Variants in ARHGAP23 observed in about 807,000 individuals in gnomAD.
ARHGAP23 encodes rho GTPase-activating protein 23.
Under a neutral mutation model 136.3 loss-of-function variants are expected in ARHGAP23, and 34 were observed. The observed-to-expected ratio is 0.25, with a 90% CI of 0.19 to 0.33. ARHGAP23 has a LOEUF of 0.33. Ranked by LOEUF, ARHGAP23 falls within the 10% of genes least tolerant of loss-of-function variation. The pLI is 1.00. For synonymous variants in ARHGAP23, 832 were observed against 920.5 expected (o/e 0.90, Z 1.74); for missense variants, 1,808 against 2,139.0 (o/e 0.85, Z 3.05).
At chr17:38,448,083 C>G (rs115382215) in intron 1 of ARHGAP23, among the ~76,000 whole-genome samples, 1 of 152,180 alleles carries the variant, frequency 6.6e-6, no homozygotes, top group Non-Finnish European at 1.5e-5. Context: ...CCCACCCCTT[C>G]CCTACTCCCA....
intron 16 of ARHGAP23, among the ~76,000 whole-genome samples, chr17:38,483,051 G>T (rs1238014432): frequency 6.6e-6 from 1 of 151,950 alleles, no homozygotes; most frequent in Non-Finnish European, 1.5e-5. Flanking sequence ...CGGAAAGTGT[G>T]CCAGGAGTCA....
At chr17:38,508,346 C>G (rs936143599) in intron 23 of ARHGAP23, among the ~76,000 whole-genome samples, 1 of 152,076 alleles carries the variant, frequency 6.6e-6, no homozygotes, top group Non-Finnish European at 1.5e-5. Context: ...CAGTGTAGGT[C>G]ACATCAAAGG....
At chr17:38,472,076 C>T in intron 11 of ARHGAP23, 70 bp downstream of exon 11, 1 of 1,347,066 alleles carries the variant, frequency 7.4e-7, no homozygotes, top group Non-Finnish European at 1.0e-6. Context: ...TAGGCCTACC[C>T]TGACAGCCTC....
intron 22 of ARHGAP23, among the ~76,000 whole-genome samples, chr17:38,499,668 C>T (rs2040477897): frequency 6.6e-6 from 1 of 152,026 alleles, no homozygotes; most frequent in South Asian, 2.1e-4. Context: ...TCACCCGCCG[C>T]CCCCCGCGCC....
chr17:38,462,690 G>A (rs2039490255), intron 3 of ARHGAP23, among the ~76,000 whole-genome samples, 156 bp from the exon 4 acceptor site: 1 of 152,162 alleles, frequency 6.6e-6, no homozygotes. Flanking sequence ...GTGCCTCCAT[G>A]GACCTGTCCA....
intron 17 of ARHGAP23, among the ~76,000 whole-genome samples, chr17:38,487,818 C>T (rs1486905010): frequency 4.6e-5 from 7 of 152,014 alleles, no homozygotes; most frequent in East Asian, 1.9e-4. Flanking sequence ...GAGCCAAGAT[C>T]GCACCACTGC....
At chr17:38,489,907 G>A (rs1324749665) in intron 17 of ARHGAP23, 195 bp from the exon 18 acceptor site, 1 of 608,296 alleles carries the variant, frequency 1.6e-6, no homozygotes, top group Non-Finnish European at 3.0e-6. Context: ...GCACACCCGA[G>A]TGTAGCTGTG....
chr17:38,473,491 C>A (rs2144680690), intron 11 of ARHGAP23, among the ~76,000 whole-genome samples: 1 of 152,326 alleles, frequency 6.6e-6, no homozygotes, highest in Admixed American at 6.5e-5. Flanking sequence ...CGAGGCGGGA[C>A]TGGCGCTCCT....
At position 38,491,512 on chromosome 17, in the gene ARHGAP23, G is replaced by A. The variant is rs192256077; in HGVS notation, c.3256G>A (p.Val1086Met). The A allele has an allele frequency of 1.8e-4, 286 of 1,549,568 alleles. No homozygotes were observed. Among genetic ancestry groups the A allele is most frequent in the Non-Finnish European group, 2.3e-4 (268 of 1,146,822 alleles). The part of the protein sequence containing the change: ...VTHMPDRYKI[V>M]ETLIQHSDWF... ...CCACATGCCTGACCGCTACAAGATC[G>A]TGGAGACACTGATCCAGCACGTAAG... Residue 1086 changes from valine (V) to methionine (M), a missense_variant, in exon 20 of 24, where the codon GTG (valine) becomes ATG (methionine). Val to Met is a conservative substitution (Grantham distance 21). Around this residue, in one of 7 missense-constraint regions of ARHGAP23, gnomAD observed 22 missense variants for 67.5 expected, o/e 0.33. Coordinates refer to ENST00000622683, the MANE Select transcript of ARHGAP23 (RefSeq NM_001199417.2).
upstream of ARHGAP23, among the ~76,000 whole-genome samples, chr17:38,427,333 AT>A (rs1424601249): frequency 1.3e-5 from 2 of 152,104 alleles, no homozygotes; most frequent in Non-Finnish European, 2.9e-5. Context: ...GCGGTGTGGC[AT>A]GGGCCTGTAG....
chr17:38,463,573 G>C (rs757381033), intron 6 of ARHGAP23, among the ~76,000 whole-genome samples, 191 bp downstream of exon 6: 1 of 152,166 alleles, frequency 6.6e-6, no homozygotes, highest in Non-Finnish European at 1.5e-5. Context: ...GGGAGCGGGA[G>C]ACCTGGCCTT....
rs1190940673 is a variant in ARHGAP23 at position 38,469,506 on chromosome 17, A to T, written c.1805-18A>T. On this transcript the variant is annotated intron_variant, in intron 8 of 23. Transcript: ENST00000622683. ...GCTGCCCCGCTGACCCTGAGGCCCG[A>T]TGTGGGCGGCTTTGCAGGCAGCATC... The T allele has an allele frequency of 6.5e-7, 1 of 1,545,944 alleles. No individual in the cohort carries two copies. The highest frequency in any genetic ancestry group is 2.0e-5 in the Admixed American group (1 of 50,824).
upstream of ARHGAP23, chr17:38,428,437 G>GGGTCCCTA (rs2038607261): frequency 1.6e-6 from 2 of 1,253,318 alleles, no homozygotes; most frequent in Non-Finnish European, 2.1e-6. Flanking sequence ...CCGGGTCCCT[G>GGGTCCCTA]CCGGCGCCCC....
intron 1 of ARHGAP23, among the ~76,000 whole-genome samples, chr17:38,431,589 G>A (rs2038687099): frequency 6.6e-6 from 1 of 152,222 alleles, no homozygotes; most frequent in African/African-American, 2.4e-5. Flanking sequence ...GTACCAATCT[G>A]TGCCAGGTGG....
At position 38,458,046 on chromosome 17, in the gene ARHGAP23, A is replaced by G; in HGVS notation, c.64-56A>G. On this transcript the variant is annotated intron_variant, in intron 1 of 23. Coordinates refer to ENST00000622683, the MANE Select transcript of ARHGAP23 (RefSeq NM_001199417.2). ...CTGTGGGCTGCAGGAGGTGGTGCAA[A>G]CAGCCAGAAGTGTCAGCCACACGGG... 3 of 1,529,384 alleles carry G rather than the reference A, an allele frequency of 2.0e-6. No individual in the cohort carries two copies. In the South Asian group the frequency reaches 3.6e-5, roughly 18 times the overall value. The allele number at this position is 1,529,384 out of a possible 1,614,324, so 94.7% of individuals were successfully genotyped here. A position where few individuals can be genotyped will look rare whatever the true frequency, so the allele number is the denominator to read the frequency against.
chr17:38,473,062 G>A (rs1163073768), intron 11 of ARHGAP23, among the ~76,000 whole-genome samples: 3 of 151,394 alleles, frequency 2.0e-5, no homozygotes, highest in Non-Finnish European at 4.4e-5. Context: ...TCAGCCTCCT[G>A]GGTAGCTGGG....
chr17:38,481,962 G>A (rs896607754), intron 14 of ARHGAP23, 60 bp from the exon 15 acceptor site: 89 of 1,447,304 alleles, frequency 6.1e-5, no homozygotes, highest in Non-Finnish European at 7.9e-5. Context: ...ATGTGGCAGT[G>A]AATGTGTGTG....
In ARHGAP23 at chr17:38,490,137, G is replaced by A; in HGVS notation, c.3022G>A (p.Glu1008Lys). 1.3e-6 allele frequency: 2 copies of A among 1,551,820 alleles called. No homozygotes were observed. The highest frequency in any genetic ancestry group is 2.4e-5 in the South Asian group (2 of 84,058). The change falls in exon 18 of 24, where the codon GAG becomes AAG. Residue 1008 changes from glutamate to lysine, a missense_variant. This residue lies in a region of ARHGAP23 where 105 missense variants were observed against 200.6 expected (regional missense o/e 0.52). Coordinates refer to ENST00000622683, the MANE Select transcript of ARHGAP23 (RefSeq NM_001199417.2). ...CGACTTCATCGAGGCCAACCGCATT[G>A]AGGACGCGCGGGAGCGAATGAGGAC... ...YNDFIEANRI[E>K]DARERMRTLR... is the part of the protein sequence containing the mutation.
chr17:38,462,223 C>T (rs567658423), intron 3 of ARHGAP23, among the ~76,000 whole-genome samples: 51 of 137,794 alleles, frequency 3.7e-4, no homozygotes, highest in African/African-American at 1.4e-3. Flanking sequence ...GCTGGGATTA[C>T]AGGCGTGAAC....
Sources: allele counts gnomAD v4.1 joint callset (sites outside exome capture counted in the v4.1 genomes callset), GRCh38; gene constraint gnomAD v4.1.1; regional missense constraint gnomAD v4.1.1; transcripts MANE v1.5; gene names NCBI Gene and HGNC (gene_info 2026-07-23, HGNC 2026-07-21).